The following LIPC variants were observed in gnomAD, a reference collection of about 807,000 sequenced individuals.
The protein encoded by LIPC is lipase C, hepatic type.
A neutral mutation model predicts 50.7 loss-of-function variants in LIPC; 44 were observed. The ratio of observed to expected loss-of-function variants is 0.87; its 90% CI spans 0.68 to 1.11. The LOEUF is 1.11. LIPC is among the 50% of genes most tolerant of loss of function. The probability of loss-of-function intolerance (pLI) is 0.00; values close to 1 mark genes in which losing one functional copy is unlikely to be tolerated. For synonymous variants in LIPC, 271 were observed against 256.4 expected, an observed-to-expected ratio of 1.06 and a Z score of -0.54; for missense variants, 697 against 648.2, an observed-to-expected ratio of 1.08 and a Z score of -0.82.
intron 4 of LIPC, 96 bp from the exon 5 acceptor site, chr15:58,545,646 G>T: frequency 9.7e-7 from 1 of 1,029,754 alleles, no homozygotes. Flanking sequence ...CTTCCTGCTA[G>T]TTCACTGATG....
At chr15:58,495,959 G>A (rs1891749394) in intron 1 of LIPC, among the ~76,000 whole-genome samples, 1 of 152,208 alleles carries the variant, frequency 6.6e-6, no homozygotes. Context: ...GTGGGATTTA[G>A]AAGGGATTTT....
chr15:58,508,737 C>T (rs2140853014), intron 1 of LIPC, among the ~76,000 whole-genome samples: 1 of 152,020 alleles, frequency 6.6e-6, no homozygotes. Flanking sequence ...TTTTTTTGGA[C>T]ACCTTTTCCT....
intron 2 of LIPC, 51 bp from the exon 3 acceptor site, chr15:58,541,734 T>A: frequency 6.4e-7 from 1 of 1,560,558 alleles, no homozygotes; most frequent in South Asian, 1.1e-5. Flanking sequence ...GGAAGAAGGG[T>A]GAGCGGGGAG....
chr15:58,433,572 G>A (rs1040155325), intron 1 of LIPC, among the ~76,000 whole-genome samples: 5 of 152,198 alleles, frequency 3.3e-5, no homozygotes, highest in Non-Finnish European at 5.9e-5. Flanking sequence ...ATTCCACTGC[G>A]GGACCATGCC....
chr15:58,545,296 T>C (rs1893483087), intron 4 of LIPC, among the ~76,000 whole-genome samples: 1 of 152,066 alleles, frequency 6.6e-6, no homozygotes, highest in African/African-American at 2.4e-5. Flanking sequence ...TGGGTCACAG[T>C]GGTGCAGTCA....
In LIPC at chr15:58,469,115, T is replaced by TGTGTGTGG. The variant is rs1338445234; in HGVS notation, c.88+37002_88+37003insGGTGTGTG. On this transcript the variant is annotated intron_variant, in intron 1 of 8. Transcript: ENST00000299022. ...TCAGGGAACATTTTGTGTGTGTGTGTGTGTGTGTGTGTGTGTGTGTGTGTG... is the reference window on the plus strand; with the variant it reads ...TCAGGGAACATTTTGTGTGTGTGTGTGTGTGTGGGTGTGTGTGTGTGTGTGTGTGTGTG... Among the ~76,000 whole-genome samples the TGTGTGTGG allele has an allele frequency of 7.4e-4, 109 of 146,936 alleles. 1 individual carries two copies. The highest frequency in any genetic ancestry group is 2.1e-3 in the South Asian group (9 of 4,382).
intron 1 of LIPC, among the ~76,000 whole-genome samples, chr15:58,465,973 G>C (rs1894548990): frequency 6.6e-6 from 1 of 152,190 alleles, no homozygotes; most frequent in African/African-American, 2.4e-5. Context: ...GTTCTATCAA[G>C]CCCCATCTCC....
At chr15:58,533,564 T>G (rs1489781710) in intron 1 of LIPC, among the ~76,000 whole-genome samples, 3 of 152,204 alleles carry the variant, frequency 2.0e-5, no homozygotes, top group African/African-American at 7.2e-5. Flanking sequence ...TGAAACAGCA[T>G]ACATTTTCAA....
intron 2 of LIPC, among the ~76,000 whole-genome samples, chr15:58,539,746 A>T (rs1893259006): frequency 6.6e-6 from 1 of 152,072 alleles, no homozygotes; most frequent in Admixed American, 6.5e-5. Flanking sequence ...AACTGCTTGT[A>T]TTAATAGCTT....
At chr15:58,483,217 T>C (rs781622515) in intron 1 of LIPC, among the ~76,000 whole-genome samples, 17 of 152,222 alleles carry the variant, frequency 1.1e-4, no homozygotes, top group African/African-American at 4.8e-5. Flanking sequence ...ACAGTGGCCA[T>C]ATAGAGTTGA....
At chr15:58,472,693 T>C (rs1187393507) in intron 1 of LIPC, among the ~76,000 whole-genome samples, 5 of 151,994 alleles carry the variant, frequency 3.3e-5, no homozygotes, top group Non-Finnish European at 7.4e-5. Context: ...AAATTTAAAA[T>C]TATAATTAAA....
intron 4 of LIPC, among the ~76,000 whole-genome samples, chr15:58,545,287 G>T (rs1893482630): frequency 6.6e-6 from 1 of 151,660 alleles, no homozygotes; most frequent in Non-Finnish European, 1.5e-5. Flanking sequence ...TGCCTAGACT[G>T]GGTCACAGTG....
chr15:58,541,923 C>T lies in LIPC; in HGVS notation c.412C>T (p.Arg138Cys), dbSNP rs200324727. ...CTACACCATCGCCGTCCGCAACACC[C>T]GCCTTGTGGGCAAGGAGGTCGCGGC... ...DHYTIAVRNT[R>C]LVGKEVAALL... is the part of the protein sequence containing the mutation. Residue 138 changes from arginine (R) to cysteine (C), a missense_variant, in exon 3 of 9, where the codon CGC (arginine) becomes TGC (cysteine). By Grantham distance (180) the Arg-to-Cys change is radical. Coordinates refer to ENST00000299022, the MANE Select transcript of LIPC (RefSeq NM_000236.3). The T allele has an allele frequency of 5.2e-5, 84 of 1,611,742 alleles. No individual in the cohort carries two copies. The highest frequency in any genetic ancestry group is 1.3e-4 in the East Asian group (6 of 44,850).
chr15:58,557,752 T>C (rs969628394), intron 6 of LIPC, among the ~76,000 whole-genome samples: 7 of 152,170 alleles, frequency 4.6e-5, no homozygotes, highest in Non-Finnish European at 1.0e-4. Context: ...TTAATACATA[T>C]CATATTAAAC....
chr15:58,507,022 C>G (rs1404653014), intron 1 of LIPC, among the ~76,000 whole-genome samples: 1 of 152,134 alleles, frequency 6.6e-6, no homozygotes, highest in Non-Finnish European at 1.5e-5. Context: ...CATCAGATCT[C>G]GTGAGAACTC....
intron 6 of LIPC, among the ~76,000 whole-genome samples, chr15:58,559,799 G>A (rs1365329654): frequency 6.6e-6 from 1 of 152,172 alleles, no homozygotes; most frequent in Non-Finnish European, 1.5e-5. Context: ...ATCCACTGGG[G>A]AGAATATGGA....
chr15:58,432,825 T>A (rs1893170897), intron 1 of LIPC, among the ~76,000 whole-genome samples: 1 of 152,126 alleles, frequency 6.6e-6, no homozygotes, highest in Non-Finnish European at 1.5e-5. Flanking sequence ...ACTAGACAGG[T>A]GTTTGGGAAT....
chr15:58,568,669 C>T lies in LIPC; in HGVS notation c.1389-47C>T, dbSNP rs1248248429. ...ATAAAGAATGAAACACTTCAATAAG[C>T]TCCACCTAAAACTTAATGCTGTGTT... On this transcript the variant is annotated intron_variant, in intron 8 of 8. Coordinates refer to ENST00000299022, the MANE Select transcript of LIPC (RefSeq NM_000236.3). The T allele has an allele frequency of 4.8e-6, 5 of 1,050,500 alleles. No individual in the cohort carries two copies. The South Asian group carries it at 6.5e-5, about 14-fold the overall frequency. The allele number at this position is 1,050,500 out of a possible 1,614,324, so 65.1% of individuals were successfully genotyped here.
At chr15:58,474,717 G>A (rs1347890021) in intron 1 of LIPC, among the ~76,000 whole-genome samples, 2 of 152,084 alleles carry the variant, frequency 1.3e-5, no homozygotes, top group Non-Finnish European at 2.9e-5. Flanking sequence ...AACCTTCGAG[G>A]TCGTTCCCTG....
Sources: allele counts gnomAD v4.1 joint callset (sites outside exome capture counted in the v4.1 genomes callset), GRCh38; gene constraint gnomAD v4.1.1; transcripts MANE v1.5; gene names NCBI Gene and HGNC (gene_info 2026-07-23, HGNC 2026-07-21).